Variants in TXNL4A observed in about 807,000 individuals in gnomAD.
TXNL4A encodes thioredoxin-like protein 4A.
In TXNL4A, 17 loss-of-function variants were observed where a neutral mutation model predicts 14.6. The ratio of observed to expected loss-of-function variants is 1.16; its 90% CI spans 0.80 to 1.74. TXNL4A has a LOEUF of 1.74. Among genes scored for constraint, TXNL4A ranks in the 40% most tolerant of loss-of-function variants. TXNL4A has a pLI of 0.00. For missense variants in TXNL4A, 74 were observed against 195.2 expected (o/e 0.38, Z 3.70); for synonymous variants, 83 against 70.6 (o/e 1.18, Z -0.88).
In TXNL4A at chr18:79,985,366, C is replaced by G. The variant is rs183348403; in HGVS notation, c.153+2874G>C. The stretch of plus-strand genomic sequence containing the variant: ...GAACTCCTGGACTCATATCCTCCCA[C>G]CTCGGCCTACCAAGTAGTTGGGACC... On this transcript the variant is annotated intron_variant, in intron 1 of 2. Transcript: ENST00000269601. Among the ~76,000 whole-genome samples, 253 of 152,266 alleles carry G rather than the reference C, an allele frequency of 1.7e-3. 1 individual carries two copies. Among genetic ancestry groups the G allele is most frequent in the African/African-American group, 5.8e-3 (239 of 41,540 alleles).
intron 1 of TXNL4A, among the ~76,000 whole-genome samples, chr18:80,002,912 T>A (rs567009997): frequency 6.6e-6 from 1 of 152,262 alleles, no homozygotes; most frequent in South Asian, 2.1e-4. Flanking sequence ...CAGGCATCGG[T>A]AGACCCTCTT....
At chr18:80,022,385 C>T (rs2051855873) in intron 1 of TXNL4A, among the ~76,000 whole-genome samples, 1 of 152,164 alleles carries the variant, frequency 6.6e-6, no homozygotes, top group South Asian at 2.1e-4. Flanking sequence ...GTTAACTGTA[C>T]AATGCTTACA....
At chr18:80,000,417 C>G (rs2051691197) in intron 1 of TXNL4A, among the ~76,000 whole-genome samples, 1 of 152,134 alleles carries the variant, frequency 6.6e-6, no homozygotes, top group African/African-American at 2.4e-5. Flanking sequence ...ATCTGTGAAA[C>G]TTTGAACTTG....
upstream of TXNL4A, among the ~76,000 whole-genome samples, chr18:79,989,896 T>A (rs535938120): frequency 1.2e-4 from 18 of 152,328 alleles, no homozygotes; most frequent in Middle Eastern, 3.4e-3. Flanking sequence ...CTAGGGAGGC[T>A]GAGGCAGGAG....
upstream of TXNL4A, among the ~76,000 whole-genome samples, chr18:79,993,543 A>G (rs999929242): frequency 1.3e-5 from 2 of 152,144 alleles, no homozygotes; most frequent in African/African-American, 4.8e-5. This position sits in a 1 kb window ranked among gnomAD's most constrained non-coding sequence, Gnocchi z 4.4. Flanking sequence ...AGTGCTCAGA[A>G]GTCATATAAT....
chr18:79,977,228 A>G (rs757122664), intron 2 of TXNL4A: 4 of 300,466 alleles, frequency 1.3e-5, no homozygotes, highest in Non-Finnish European at 2.5e-5. Context: ...AAGTGCTGGG[A>G]TTACAGGCGC....
intron 1 of TXNL4A, among the ~76,000 whole-genome samples, chr18:80,015,340 A>T (rs1252079076): frequency 6.8e-6 from 1 of 147,612 alleles, no homozygotes; most frequent in Non-Finnish European, 1.5e-5. Context: ...TTTAAAACAA[A>T]ATGCTTTTTT....
At chr18:79,978,786 G>A (rs984045979) in intron 1 of TXNL4A, among the ~76,000 whole-genome samples, 1 of 151,790 alleles carries the variant, frequency 6.6e-6, no homozygotes, top group African/African-American at 2.4e-5. Flanking sequence ...GAGCCACCAC[G>A]CCTGGCAATA....
intron 2 of TXNL4A, among the ~76,000 whole-genome samples, chr18:79,974,625 C>T (rs928975113): frequency 6.6e-6 from 1 of 152,086 alleles, no homozygotes; most frequent in Non-Finnish European, 1.5e-5. Flanking sequence ...ACCACAGGCA[C>T]GAGCCACCAC....
chr18:80,002,892 T>C (rs2051706759), intron 1 of TXNL4A, among the ~76,000 whole-genome samples: 1 of 152,246 alleles, frequency 6.6e-6, no homozygotes, highest in South Asian at 2.1e-4. Context: ...CAGCTGTGGC[T>C]GGCATCCCAC....
At chr18:80,000,234 C>A (rs2051690200) in intron 1 of TXNL4A, among the ~76,000 whole-genome samples, 1 of 152,074 alleles carries the variant, frequency 6.6e-6, no homozygotes, top group African/African-American at 2.4e-5. Context: ...GTTTGGAACT[C>A]CCTAGAGACT....
In TXNL4A at chr18:80,020,913, C is replaced by A. The variant is rs115514817; in HGVS notation, c.-61+12938G>T. 9.7e-3 allele frequency among the ~76,000 whole-genome samples: 1,471 copies of A among 151,848 alleles called. 22 individuals carry two copies. Among genetic ancestry groups the A allele is most frequent in the African/African-American group, 0.034 (1,398 of 41,394 alleles). On this transcript the variant is annotated intron_variant, in intron 1 of 2. Transcript: ENST00000585474. ...TTTCTGACAAGACTAGACCAAGGTA[C>A]CTCACTGAAGTTTGACAGAGCTGAG...
At chr18:80,009,516 CG>C (rs575831267) in intron 1 of TXNL4A, among the ~76,000 whole-genome samples, 3 of 152,244 alleles carry the variant, frequency 2.0e-5, no homozygotes, top group South Asian at 4.1e-4. Flanking sequence ...CAAGTTTATA[CG>C]GGTCTGCAGC....
intron 2 of TXNL4A, chr18:79,976,927 C>T (rs1478572541): frequency 1.1e-5 from 4 of 354,536 alleles, no homozygotes; most frequent in Non-Finnish European, 2.2e-5. Context: ...AAAAGGACAC[C>T]GAAGTTGATG....
upstream of TXNL4A, among the ~76,000 whole-genome samples, chr18:79,989,888 A>G (rs2051613946): frequency 6.6e-6 from 1 of 152,096 alleles, no homozygotes; most frequent in Non-Finnish European, 1.5e-5. Flanking sequence ...CCCAGCTACT[A>G]GGGAGGCTGA....
chr18:79,988,568 G>C, upstream of TXNL4A: 1 of 606,820 alleles, frequency 1.6e-6, no homozygotes. Context: ...ACGTCTGGGC[G>C]CGCACGCACC....
At chr18:80,003,984 T>C (rs999362606) in intron 1 of TXNL4A, among the ~76,000 whole-genome samples, 2 of 152,142 alleles carry the variant, frequency 1.3e-5, no homozygotes, top group African/African-American at 4.8e-5. Context: ...ACATGGGGAT[T>C]ACAATTCAAG....
chr18:80,008,538 G>T (rs952441572), intron 1 of TXNL4A, among the ~76,000 whole-genome samples: 4 of 151,832 alleles, frequency 2.6e-5, no homozygotes, highest in Non-Finnish European at 1.5e-5. Context: ...TTGTTTTTAT[G>T]TTCCCTGTTT....
intron 2 of TXNL4A, chr18:79,976,782 TG>T (rs2145056401): frequency 2.2e-6 from 1 of 456,420 alleles, no homozygotes; most frequent in African/African-American, 2.0e-5. Flanking sequence ...CCAACCTCTA[TG>T]GTAACTAAAC....
Sources: allele counts gnomAD v4.1 joint callset (sites outside exome capture counted in the v4.1 genomes callset), GRCh38; gene constraint gnomAD v4.1.1; non-coding constraint Gnocchi (gnomAD v3.1); transcripts MANE v1.5; gene names NCBI Gene and HGNC (gene_info 2026-07-23, HGNC 2026-07-21).